The following CSMD1 variants were observed in gnomAD, a reference collection of about 807,000 sequenced individuals.
CSMD1 encodes CUB and sushi domain-containing protein 1.
A neutral mutation model predicts 417.5 loss-of-function variants in CSMD1; 213 were observed. The ratio of observed to expected loss-of-function variants is 0.51; its 90% CI spans 0.46 to 0.57. The LOEUF (loss-of-function observed/expected upper bound fraction) is 0.57, where lower values mean the gene tolerates loss of function less well. Among genes scored for constraint, CSMD1 ranks in the 20% least tolerant of loss-of-function variants. The pLI, the probability that CSMD1 is intolerant of heterozygous loss-of-function variation, is 0.00. For missense variants in CSMD1, 6,923 were observed against 4,529.7 expected, an observed-to-expected ratio of 1.53 and a Z score of -15.17; for synonymous variants, 2,862 against 1,736.8, an observed-to-expected ratio of 1.65 and a Z score of -16.11.
intron 3 of CSMD1, among the ~76,000 whole-genome samples, chr8:4,418,292 T>C (rs1484531670): frequency 6.6e-6 from 1 of 152,172 alleles, no homozygotes; most frequent in Admixed American, 6.6e-5. Context: ...CTAGAAAGTT[T>C]TTCAGTTGAT....
chr8:4,424,249 G>C (rs771263419), intron 2 of CSMD1, among the ~76,000 whole-genome samples: 1 of 151,998 alleles, frequency 6.6e-6, no homozygotes, highest in African/African-American at 2.4e-5. Flanking sequence ...GAGAATAAAA[G>C]TGTATGCTGC....
At chr8:4,758,968 G>C (rs1472336326) in intron 1 of CSMD1, among the ~76,000 whole-genome samples, 2 of 151,770 alleles carry the variant, frequency 1.3e-5, no homozygotes, top group Non-Finnish European at 1.5e-5. Flanking sequence ...CTGTTGCACA[G>C]AGTGAAGTGC....
intron 1 of CSMD1, among the ~76,000 whole-genome samples, chr8:4,722,742 G>C (rs111710444): frequency 0.029 from 4,488 of 152,198 alleles, 203 homozygotes; most frequent in African/African-American, 0.093. Context: ...AAATTTGGTA[G>C]TCGTCAGGAA....
In CSMD1 at chr8:3,398,985, G is replaced by C. The variant is rs549344701; in HGVS notation, c.2405+406C>G. ...TCAGCATCACTAGCTGCCCTCGAGT[G>C]ACCAGCAGCCACCACCAGAACAGGA... On this transcript the variant is annotated intron_variant, in intron 16 of 69. Coordinates refer to ENST00000635120, the MANE Select transcript of CSMD1 (RefSeq NM_033225.6). Among the ~76,000 whole-genome samples the C allele has an allele frequency of 7.9e-5, 12 of 152,258 alleles. No individual in the cohort carries two copies. The South Asian group carries it at 2.3e-3, about 29-fold the overall frequency.
chr8:3,987,225 C>G (rs965241479), intron 5 of CSMD1, among the ~76,000 whole-genome samples: 2 of 152,224 alleles, frequency 1.3e-5, no homozygotes, highest in African/African-American at 2.4e-5. Flanking sequence ...AGCACGCACT[C>G]TTCCTGTGAA....
chr8:3,400,430 G>A (rs183111768), intron 15 of CSMD1, among the ~76,000 whole-genome samples: 1 of 151,948 alleles, frequency 6.6e-6, no homozygotes, highest in African/African-American at 2.4e-5. Flanking sequence ...ATGTAAAAAT[G>A]CAAAAAGTTT....
chr8:4,377,187 C>G (rs1802804785), intron 3 of CSMD1, among the ~76,000 whole-genome samples: 1 of 152,084 alleles, frequency 6.6e-6, no homozygotes, highest in African/African-American at 2.4e-5. Context: ...GAATTGATTA[C>G]ACATCTTTTG....
In CSMD1 at chr8:4,921,061, AAAG is replaced by A. The variant is rs780764024; in HGVS notation, c.85+73268_85+73270del. On this transcript the variant is annotated intron_variant, in intron 1 of 69. Transcript: ENST00000635120. ...GGAAGGAAGAAAGAAAAGAGAAAGA[AAAG>A]AAAGAGAAAGAAAAAGAAAGAAAGA... Among the ~76,000 whole-genome samples, 24 of 151,126 alleles carry A rather than the reference AAAG, an allele frequency of 1.6e-4. No homozygotes were observed. The East Asian group carries it at 2.1e-3, about 13-fold the overall frequency.
chr8:3,511,872 G>A (rs1175081304), intron 10 of CSMD1, among the ~76,000 whole-genome samples: 5 of 147,922 alleles, frequency 3.4e-5, no homozygotes, highest in Admixed American at 1.4e-4. Context: ...GCAATTTATC[G>A]CCACAGAATT....
chr8:3,139,955 T>G (rs1315393682), intron 41 of CSMD1, among the ~76,000 whole-genome samples: 1 of 148,134 alleles, frequency 6.8e-6, no homozygotes, highest in African/African-American at 2.5e-5. Flanking sequence ...CAGACTGGAG[T>G]GCAATGGTGT....
rs549277171 is a variant in CSMD1, at chr8:3,498,590, T to C, written c.1345-4864A>G. Among the ~76,000 whole-genome samples the C allele has an allele frequency of 1.3e-4, 20 of 152,310 alleles. 1 individual carries two copies. In the South Asian group the frequency reaches 3.9e-3, roughly 30 times the overall value. ...CAGCTGTTATTTTATTATATAGATA[T>C]CCTACACCTTTCTGATCTCTTCTCC... On this transcript the variant is annotated intron_variant, in intron 10 of 69. Coordinates refer to ENST00000635120, the MANE Select transcript of CSMD1 (RefSeq NM_033225.6).
chr8:4,087,563 C>G (rs1358252902), intron 3 of CSMD1, among the ~76,000 whole-genome samples: 1 of 152,044 alleles, frequency 6.6e-6, no homozygotes, highest in African/African-American at 2.4e-5. Flanking sequence ...AATTTCTGTC[C>G]TTATACACTT....
At chr8:4,548,820 A>G (rs925959175) in intron 2 of CSMD1, among the ~76,000 whole-genome samples, 2 of 152,068 alleles carry the variant, frequency 1.3e-5, no homozygotes, top group Non-Finnish European at 2.9e-5. Context: ...ATATATGGAG[A>G]GCATACTGCC....
At chr8:4,407,680 T>C (rs543181173) in intron 3 of CSMD1, among the ~76,000 whole-genome samples, 1 of 152,178 alleles carries the variant, frequency 6.6e-6, no homozygotes, top group African/African-American at 2.4e-5. Flanking sequence ...TTCATACAAA[T>C]TTAAATTTGT....
chr8:4,413,635 C>G (rs1030008915), intron 3 of CSMD1, among the ~76,000 whole-genome samples: 10 of 152,136 alleles, frequency 6.6e-5, no homozygotes, highest in Admixed American at 1.3e-4. Flanking sequence ...CACAAGACAG[C>G]ACTGTTGACT....
intron 2 of CSMD1, among the ~76,000 whole-genome samples, chr8:4,420,903 G>C (rs1261070711): frequency 2.0e-5 from 3 of 152,138 alleles, no homozygotes; most frequent in Non-Finnish European, 4.4e-5. Context: ...CCTCCTAGGA[G>C]CCCTCCTCCC....
chr8:4,873,703 A>C (rs191407223), intron 1 of CSMD1, among the ~76,000 whole-genome samples: 1 of 152,252 alleles, frequency 6.6e-6, no homozygotes, highest in African/African-American at 2.4e-5. Flanking sequence ...GAACTAATCA[A>C]ACTAAACCAA....
intron 3 of CSMD1, among the ~76,000 whole-genome samples, chr8:4,062,323 T>C (rs547095799): frequency 2.0e-5 from 3 of 152,128 alleles, no homozygotes; most frequent in East Asian, 1.9e-4. Context: ...CTAAATAATA[T>C]GGTCCAGGGT....
intron 5 of CSMD1, among the ~76,000 whole-genome samples, chr8:3,809,814 C>T (rs1345508705): frequency 2.6e-5 from 4 of 152,040 alleles, no homozygotes; most frequent in Admixed American, 6.6e-5. Context: ...ATGCACTGTT[C>T]ACATACTGAA....
Sources: allele counts gnomAD v4.1 joint callset (sites outside exome capture counted in the v4.1 genomes callset), GRCh38; gene constraint gnomAD v4.1.1; transcripts MANE v1.5; gene names NCBI Gene and HGNC (gene_info 2026-07-23, HGNC 2026-07-21).